Variants in DIPK1A observed in about 807,000 individuals in gnomAD.
DIPK1A encodes the protein divergent protein kinase domain 1A.
Under a neutral mutation model 40.8 loss-of-function variants are expected in DIPK1A, and 27 were observed. The ratio of observed to expected loss-of-function variants is 0.66; its 90% confidence interval spans 0.49 to 0.91. DIPK1A has a LOEUF of 0.91. DIPK1A is among the 40% of genes least tolerant of loss of function. DIPK1A has a pLI of 0.00. For synonymous variants in DIPK1A, 166 were observed against 171.3 expected, an observed-to-expected ratio of 0.97 and a Z score of 0.24; for missense variants, 412 against 505.7, an observed-to-expected ratio of 0.81 and a Z score of 1.78.
chr1:92,881,922 T>C (rs1339970751), intron 1 of DIPK1A, among the ~76,000 whole-genome samples: 2 of 152,242 alleles, frequency 1.3e-5, no homozygotes, highest in Admixed American at 1.3e-4. Context: ...ACTATTTGTA[T>C]ATATGTGTTT....
intron 1 of DIPK1A, chr1:92,932,244 C>A (rs1408680378): frequency 6.0e-6 from 1 of 165,954 alleles, no homozygotes; most frequent in East Asian, 1.8e-4. Flanking sequence ...AGTTCGAGAC[C>A]AGTCTGACCA....
At chr1:92,836,391 A>C (rs1262464843) in intron 4 of DIPK1A, 12 of 1,613,936 alleles carry the variant, frequency 7.4e-6, no homozygotes, top group Non-Finnish European at 9.3e-6. Flanking sequence ...TATCCCTCAC[A>C]GGTAAGAATA....
intron 1 of DIPK1A, among the ~76,000 whole-genome samples, chr1:92,948,687 G>GTA (rs1434906784): frequency 4.2e-5 from 3 of 72,192 alleles, no homozygotes; most frequent in Non-Finnish European, 1.0e-4. Flanking sequence ...ACATGTATAT[G>GTA]TATATATACA....
chr1:92,922,643 A>T (rs1650315131), intron 1 of DIPK1A, among the ~76,000 whole-genome samples: 1 of 152,230 alleles, frequency 6.6e-6, no homozygotes, highest in Non-Finnish European at 1.5e-5. Context: ...GAAGGTGTTT[A>T]GTAACATAAA....
chr1:92,947,689 A>G (rs996362483), intron 1 of DIPK1A, among the ~76,000 whole-genome samples: 1 of 152,260 alleles, frequency 6.6e-6, no homozygotes, highest in African/African-American at 2.4e-5. Flanking sequence ...TAGGGAATCA[A>G]TCAAAGTAAT....
intron 4 of DIPK1A, among the ~76,000 whole-genome samples, chr1:92,845,886 T>A (rs1211331923): frequency 1.3e-5 from 2 of 150,742 alleles, no homozygotes. Context: ...TCCCAGCTAC[T>A]TGGGGGGCTG....
chr1:92,839,330 G>T (rs1687261311), downstream of DIPK1A, among the ~76,000 whole-genome samples: 1 of 152,162 alleles, frequency 6.6e-6, no homozygotes, highest in Admixed American at 6.5e-5. Flanking sequence ...CTGCACTCCA[G>T]CCTGGGCAAC....
At position 92,842,829 on chromosome 1, in the gene DIPK1A, CTT is replaced by C. The variant is rs1054132523; in HGVS notation, c.*552_*553del. On this transcript the variant is annotated 3_prime_UTR_variant, in exon 5 of 5. Coordinates refer to ENST00000370310, the MANE Select transcript of DIPK1A (RefSeq NM_001006605.5). ...TGAACCATTGTGAAGCTACACATAA[CTT>C]GATGTCTGAATGAGGTTAAAAATGG... The C allele has an allele frequency of 3.5e-5, 34 of 985,354 alleles. No homozygotes were observed. The highest frequency in any genetic ancestry group is 7.0e-5 in the African/African-American group (4 of 57,218). 61.0% of individuals were successfully genotyped at this position (985,354 alleles called of 1,614,324 possible). A position where few individuals can be genotyped will look rare whatever the true frequency, so the allele number is the denominator to read the frequency against.
At chr1:92,858,294 A>G (rs1688055280) in intron 2 of DIPK1A, among the ~76,000 whole-genome samples, 1 of 152,194 alleles carries the variant, frequency 6.6e-6, no homozygotes, top group African/African-American at 2.4e-5. Context: ...TTGGGAGTTT[A>G]TATTTCTTTC....
At chr1:92,948,664 T>TATGTGTATATATACGTATATATACAC (rs1651474455) in intron 1 of DIPK1A, among the ~76,000 whole-genome samples, 1 of 146,280 alleles carries the variant, frequency 6.8e-6, no homozygotes, top group African/African-American at 2.5e-5. Context: ...TATATATACA[T>TATGTGTATATATACGTATATATACAC]ATGTGTATAT....
chr1:92,958,865 AAATT>A (rs1651946350), intron 1 of DIPK1A, among the ~76,000 whole-genome samples: 1 of 152,240 alleles, frequency 6.6e-6, no homozygotes, highest in Admixed American at 6.5e-5. Context: ...TGGGAAAAAT[AAATT>A]GTTATTAACT....
chr1:92,916,783 TA>T (rs1314598251), intron 1 of DIPK1A, among the ~76,000 whole-genome samples: 2 of 152,328 alleles, frequency 1.3e-5, no homozygotes, highest in Admixed American at 6.5e-5. Context: ...ACAATGTAAT[TA>T]TTTTGGTCCA....
intron 1 of DIPK1A, among the ~76,000 whole-genome samples, chr1:92,955,697 C>CAAAAAA (rs551282522): frequency 2.1e-5 from 1 of 46,602 alleles, no homozygotes; most frequent in Non-Finnish European, 4.5e-5. Context: ...GACTCTGTCT[C>CAAAAAA]AAAAAAAAAA....
rs71094206 is a variant in DIPK1A, at chr1:92,844,940, C to CT, written c.475-746dup. Reference sequence around the variant, plus strand: ...CTATTTAATCTATATATTAGTATTTCTTTTTTTTTTTTTTTTTTTTTTGAG... The same window carrying CT: ...CTATTTAATCTATATATTAGTATTTCTTTTTTTTTTTTTTTTTTTTTTTGAG... On this transcript the variant is annotated intron_variant, in intron 4 of 4. Coordinates refer to ENST00000370310, the MANE Select transcript of DIPK1A (RefSeq NM_001006605.5). 2.4e-3 allele frequency among the ~76,000 whole-genome samples: 224 copies of CT among 94,062 alleles called. 2 individuals are homozygous for CT. Among genetic ancestry groups the CT allele is most frequent in the African/African-American group, 4.7e-3 (110 of 23,450 alleles). The allele number at this position is 94,062 out of a possible 152,430, so 61.7% of individuals were successfully genotyped here.
chr1:92,836,436 T>G (rs201933033), intron 4 of DIPK1A: 2 of 1,560,474 alleles, frequency 1.3e-6, no homozygotes, highest in Non-Finnish European at 1.8e-6. Flanking sequence ...CCGTGGTACT[T>G]CCCTGTTTTT....
chr1:92,923,655 C>T (rs1650363158), intron 1 of DIPK1A, among the ~76,000 whole-genome samples: 1 of 152,190 alleles, frequency 6.6e-6, no homozygotes, highest in Non-Finnish European at 1.5e-5. Context: ...AGGAAAACAT[C>T]TAGACCTGGT....
chr1:92,842,443 C>T lies in DIPK1A; in HGVS notation c.*940G>A, dbSNP rs772862453. 2 of 978,958 alleles carry T rather than the reference C, an allele frequency of 2.0e-6. No homozygotes were observed. The highest frequency in any genetic ancestry group is 2.4e-6 in the Non-Finnish European group (2 of 824,348). The allele number at this position is 978,958 out of a possible 1,614,324, so 60.6% of individuals were successfully genotyped here. A position where few individuals can be genotyped will look rare whatever the true frequency, so the allele number is the denominator to read the frequency against. On this transcript the variant is annotated 3_prime_UTR_variant, in exon 5 of 5. Coordinates refer to ENST00000370310, the MANE Select transcript of DIPK1A (RefSeq NM_001006605.5). ...GTGTGAAAATAATATGAAAGAGGAG[C>T]AAATACTAAACCTTGTATATCAAGT... is the stretch of plus-strand genomic sequence containing the variant.
At chr1:92,948,777 G>A (rs11164840) in intron 1 of DIPK1A, among the ~76,000 whole-genome samples, 45,931 of 142,870 alleles carry the variant, frequency 0.32, 7,758 homozygotes, top group Non-Finnish European at 0.37. Context: ...GTGTGTGTGT[G>A]TATATATATA....
intron 3 of DIPK1A, among the ~76,000 whole-genome samples, chr1:92,848,553 C>T (rs1031553704): frequency 2.0e-5 from 3 of 152,234 alleles, no homozygotes; most frequent in Non-Finnish European, 2.9e-5. Flanking sequence ...TTAGACATTG[C>T]ATTTAGAAAG....
Sources: gnomAD v4.1 joint callset for allele counts (sites outside exome capture counted in the v4.1 genomes callset) on GRCh38, gnomAD v4.1.1 for gene constraint, MANE v1.5 for transcripts, NCBI Gene and HGNC (gene_info 2026-07-23, HGNC 2026-07-21) for gene names.